The following PON3 variants were observed in gnomAD, a reference collection of about 807,000 sequenced individuals.
The protein encoded by PON3 is serum paraoxonase/lactonase 3.
Under a neutral mutation model 36.3 loss-of-function variants are expected in PON3, and 37 were observed. That is an observed-to-expected ratio of 1.02 (90% CI 0.78 to 1.34). The LOEUF (loss-of-function observed/expected upper bound fraction) is 1.34. Ranked by LOEUF, PON3 falls within the 40% of genes most tolerant of loss-of-function variation. The pLI, the probability that PON3 is intolerant of heterozygous loss-of-function variation, is 0.00. For missense variants in PON3, 415 were observed against 426.5 expected (o/e 0.97, Z 0.24); for synonymous variants, 155 against 154.8 (o/e 1.00, Z -0.01).
chr7:95,360,245 T>C, intron 8 of PON3, 114 bp from the exon 9 acceptor site: 1 of 1,006,764 alleles, frequency 9.9e-7, no homozygotes, highest in African/African-American at 1.6e-5. Flanking sequence ...AGCTAAAATC[T>C]GTATATCTTC....
At chr7:95,393,266 A>G (rs2116426850) in intron 2 of PON3, among the ~76,000 whole-genome samples, 1 of 152,318 alleles carries the variant, frequency 6.6e-6, no homozygotes, top group African/African-American at 2.4e-5. Flanking sequence ...GGAGTTTACA[A>G]TCTGATAGTG....
intron 8 of PON3, among the ~76,000 whole-genome samples, chr7:95,361,660 A>G (rs1036527509): frequency 7.2e-5 from 11 of 152,216 alleles, no homozygotes; most frequent in Non-Finnish European, 2.9e-5. Flanking sequence ...TATCCTAAAC[A>G]TAAGTACAAT....
At chr7:95,384,444 C>A (rs1223003229) in intron 3 of PON3, among the ~76,000 whole-genome samples, 1 of 152,146 alleles carries the variant, frequency 6.6e-6, no homozygotes, top group Non-Finnish European at 1.5e-5. Flanking sequence ...AAAATTTTTT[C>A]AGTCTACTCA....
At chr7:95,369,216 C>A (rs1427875676) in intron 4 of PON3, among the ~76,000 whole-genome samples, 8 of 152,096 alleles carry the variant, frequency 5.3e-5, no homozygotes, top group Non-Finnish European at 1.5e-5. Context: ...TCATAGAGTA[C>A]CTACTGTGCA....
In PON3 at chr7:95,394,678, T is replaced by C; in HGVS notation, c.111A>G (p.Val37=). ...CAATAAGGTGGCAGTTTTCAGGTTC[T>C]ACTGGCTCCACTTCTCGAGAGGCAT... is the stretch of plus-strand genomic sequence containing the variant. ...RVNASREVEP[V]EPENCHLIEE... The change falls in exon 2 of 9, where the codon GTA becomes GTG. Residue 37 remains valine, a synonymous_variant. Transcript: ENST00000265627. The C allele has an allele frequency of 6.2e-7, 1 of 1,614,164 alleles. No homozygotes were observed. Among genetic ancestry groups the C allele is most frequent in the Non-Finnish European group, 8.5e-7 (1 of 1,180,002 alleles).
At chr7:95,383,566 A>C (rs1259655613) in intron 3 of PON3, among the ~76,000 whole-genome samples, 6 of 152,150 alleles carry the variant, frequency 3.9e-5, no homozygotes, top group South Asian at 2.1e-4. Flanking sequence ...ATAACAGACA[A>C]ACAGAGAGCC....
intron 3 of PON3, among the ~76,000 whole-genome samples, chr7:95,377,936 A>C (rs1416655682): frequency 2.0e-5 from 3 of 152,208 alleles, no homozygotes; most frequent in African/African-American, 7.2e-5. Context: ...TAGGCTTCAG[A>C]GGGTCAGTAA....
intron 5 of PON3, among the ~76,000 whole-genome samples, chr7:95,366,805 C>T (rs1200863173): frequency 6.6e-6 from 1 of 152,248 alleles, no homozygotes; most frequent in Non-Finnish European, 1.5e-5. Flanking sequence ...TTAGTTTACC[C>T]ATGCCTATTA....
At chr7:95,380,640 G>C (rs1262163083) in intron 3 of PON3, among the ~76,000 whole-genome samples, 3 of 152,156 alleles carry the variant, frequency 2.0e-5, no homozygotes, top group Admixed American at 2.0e-4. Context: ...AACAACAAGA[G>C]AAGTTTAGAG....
chr7:95,396,323 G>A lies in PON3; in HGVS notation c.28C>T (p.Leu10=), dbSNP rs1585738154. MGKLVALVL[L]GVGLSLVGEM... is the part of the protein sequence containing the mutation. Reference sequence around the variant, plus strand: ...CCGACTAAGGACAGGCCGACCCCCAGCAGGACCAGCGCCACGAGCTTCCCC... The same window carrying A: ...CCGACTAAGGACAGGCCGACCCCCAACAGGACCAGCGCCACGAGCTTCCCC... The change falls in exon 1 of 9, where the codon CTG becomes TTG. Residue 10 remains leucine, a synonymous_variant. Transcript: ENST00000265627. 2 of 1,613,998 alleles carry A rather than the reference G, an allele frequency of 1.2e-6. No homozygotes were observed. The highest frequency in any genetic ancestry group is 2.2e-5 in the East Asian group (1 of 44,822).
At chr7:95,372,724 C>A (rs1808835708) in intron 3 of PON3, among the ~76,000 whole-genome samples, 1 of 152,100 alleles carries the variant, frequency 6.6e-6, no homozygotes, top group Admixed American at 6.6e-5. Flanking sequence ...ATTTCCGGTC[C>A]TGGTATTCTA....
chr7:95,383,001 A>G (rs1009396736), intron 3 of PON3, among the ~76,000 whole-genome samples: 2 of 152,198 alleles, frequency 1.3e-5, no homozygotes, highest in African/African-American at 4.8e-5. Context: ...AAGCTTATGC[A>G]CCAAGATCAA....
intron 3 of PON3, among the ~76,000 whole-genome samples, chr7:95,387,848 T>A (rs988288231): frequency 7.2e-5 from 11 of 152,178 alleles, no homozygotes; most frequent in African/African-American, 2.4e-4. Flanking sequence ...AACCATCTGA[T>A]CTTTGACAAA....
chr7:95,359,957 T>A lies in PON3; in HGVS notation c.*16A>T. 6.3e-7 allele frequency: 1 copy of A among 1,594,888 alleles called. No homozygotes were observed. ...AAATATGTAGACTTTTTTTTTTTTTTTTTACTATCTAGAGTCTAGAGCTCA... is the reference window on the plus strand; with the variant it reads ...AAATATGTAGACTTTTTTTTTTTTTATTTACTATCTAGAGTCTAGAGCTCA... On this transcript the variant is annotated 3_prime_UTR_variant, in exon 9 of 9. Coordinates refer to ENST00000265627, the MANE Select transcript of PON3 (RefSeq NM_000940.3).
At position 95,362,431 on chromosome 7, in the gene PON3, A is replaced by G; in HGVS notation, c.837T>C (p.Ile279=). Residue 279 remains isoleucine, a synonymous_variant, in exon 8 of 9, where the codon ATT becomes ATC. Coordinates refer to ENST00000265627, the MANE Select transcript of PON3 (RefSeq NM_000940.3). ...NLTVDPATGD[I]LAGCHPNPMK... is the part of the protein sequence containing the mutation. ...TAGGATTAGGATGGCATCCTGCCAAAATGTCTCCTGTGGCAGGATCGACAG... is the reference window on the plus strand; with the variant it reads ...TAGGATTAGGATGGCATCCTGCCAAGATGTCTCCTGTGGCAGGATCGACAG... 5 of 1,613,812 alleles carry G rather than the reference A, an allele frequency of 3.1e-6. No individual in the cohort carries two copies. Among genetic ancestry groups the G allele is most frequent in the Non-Finnish European group, 4.2e-6 (5 of 1,179,792 alleles).
intron 6 of PON3, 147 bp downstream of exon 6, chr7:95,363,716 A>G: frequency 1.2e-6 from 1 of 804,266 alleles, no homozygotes; most frequent in Non-Finnish European, 2.1e-6. Flanking sequence ...TTAGGATGAC[A>G]GATTTAGTGT....
chr7:95,394,135 T>C (rs191720820), intron 2 of PON3, among the ~76,000 whole-genome samples: 1 of 152,198 alleles, frequency 6.6e-6, no homozygotes, highest in East Asian at 1.9e-4. Flanking sequence ...CCTGACCTCA[T>C]GATCCGCCCC....
At chr7:95,381,377 T>A (rs1809050280) in intron 3 of PON3, among the ~76,000 whole-genome samples, 1 of 152,168 alleles carries the variant, frequency 6.6e-6, no homozygotes, top group Admixed American at 6.5e-5. Context: ...GTAAATGGGC[T>A]AAATGCTCCA....
At chr7:95,389,315 G>A (rs973789776) in intron 3 of PON3, among the ~76,000 whole-genome samples, 5 of 151,992 alleles carry the variant, frequency 3.3e-5, no homozygotes, top group African/African-American at 4.8e-5. Context: ...TTCAGGCCAC[G>A]GTTATTATAA....
Sources: allele counts gnomAD v4.1 joint callset (sites outside exome capture counted in the v4.1 genomes callset), GRCh38; gene constraint gnomAD v4.1.1; transcripts MANE v1.5; gene names NCBI Gene and HGNC (gene_info 2026-07-23, HGNC 2026-07-21).